Variants in ZFHX4 observed in about 807,000 individuals in gnomAD.
ZFHX4 encodes zinc finger homeobox 4, also known as zinc finger homeobox protein 4.
A neutral mutation model predicts 267.6 loss-of-function variants in ZFHX4; 56 were observed. The observed-to-expected ratio is 0.21, with a 90% CI of 0.17 to 0.26. The LOEUF is 0.26. Ranked by LOEUF, ZFHX4 falls within the 10% of genes least tolerant of loss-of-function variation. The pLI is 1.00. For synonymous variants in ZFHX4, 1,778 were observed against 1,665.6 expected (o/e 1.07, Z -1.64); for missense variants, 4,332 against 4,420.0 (o/e 0.98, Z 0.56).
chr8:76,702,765 G>A (rs1165395865), intron 1 of ZFHX4, among the ~76,000 whole-genome samples: 1 of 152,114 alleles, frequency 6.6e-6, no homozygotes, highest in African/African-American at 2.4e-5. Flanking sequence ...TCAAATTTAA[G>A]ATTTGAAATA....
intron 10 of ZFHX4, among the ~76,000 whole-genome samples, chr8:76,858,403 TCTG>T (rs1812785412): frequency 6.6e-6 from 1 of 152,204 alleles, no homozygotes; most frequent in South Asian, 2.1e-4. Context: ...ATCTGTTATA[TCTG>T]CTGCTTTATT....
intron 3 of ZFHX4, among the ~76,000 whole-genome samples, chr8:76,773,730 T>C (rs1810330670): frequency 6.6e-6 from 1 of 152,218 alleles, no homozygotes; most frequent in Admixed American, 6.6e-5. Context: ...CTTTCTTAAA[T>C]CAATTGAGTA....
At position 76,851,875 on chromosome 8, in the gene ZFHX4, T is replaced by A. The variant is rs1301958897; in HGVS notation, c.4954T>A (p.Ser1652Thr). The change falls in exon 10 of 11, where the codon TCC (serine) becomes ACC (threonine). Residue 1652 changes from serine (S) to threonine (T), a missense_variant. Ser to Thr is a moderately conservative substitution (Grantham distance 58). Coordinates refer to ENST00000651372, the MANE Select transcript of ZFHX4 (RefSeq NM_024721.5). ...CAGCCCTGGCCAGGGGATGTTAGAT[T>A]CCATGAGTTTAGCAGCTGTAAACAG... ...VNSPGQGMLD[S>T]MSLAAVNSKD... 1.2e-6 allele frequency: 2 copies of A among 1,613,828 alleles called. No individual in the cohort carries two copies. Among genetic ancestry groups the A allele is most frequent in the African/African-American group, 2.7e-5 (2 of 74,902 alleles).
chr8:76,785,737 G>A (rs2131793143), intron 4 of ZFHX4, among the ~76,000 whole-genome samples: 1 of 152,266 alleles, frequency 6.6e-6, no homozygotes, highest in South Asian at 2.1e-4. Flanking sequence ...GTCTATAGAT[G>A]CCAAGTGAGG....
intron 3 of ZFHX4, among the ~76,000 whole-genome samples, chr8:76,776,209 T>C (rs1228630131): frequency 2.0e-5 from 3 of 152,042 alleles, no homozygotes; most frequent in Non-Finnish European, 2.9e-5. Flanking sequence ...TATCGAAGAC[T>C]GAAATCTTAG....
At chr8:76,738,109 G>T (rs957591750) in intron 3 of ZFHX4, among the ~76,000 whole-genome samples, 1 of 152,132 alleles carries the variant, frequency 6.6e-6, no homozygotes, top group Non-Finnish European at 1.5e-5. Flanking sequence ...TAGGAGGAAG[G>T]CTTTGTGAAA....
At chr8:76,703,331 G>A (rs867916342) in intron 1 of ZFHX4, among the ~76,000 whole-genome samples, 2 of 152,192 alleles carry the variant, frequency 1.3e-5, no homozygotes, top group Non-Finnish European at 2.9e-5. Flanking sequence ...CCCCTAGGAT[G>A]ATAGGACTGG....
At chr8:76,772,816 C>T (rs1295671988) in intron 3 of ZFHX4, among the ~76,000 whole-genome samples, 1 of 152,112 alleles carries the variant, frequency 6.6e-6, no homozygotes, top group Non-Finnish European at 1.5e-5. Flanking sequence ...GCCACACTTG[C>T]TCTTGCCTGT....
At chr8:76,739,784 A>G (rs1371054287) in intron 3 of ZFHX4, among the ~76,000 whole-genome samples, 1 of 152,204 alleles carries the variant, frequency 6.6e-6, no homozygotes, top group Non-Finnish European at 1.5e-5. Context: ...CAATTTTAAT[A>G]TCATTCACAA....
At chr8:76,837,969 A>C (rs1372239032) in intron 5 of ZFHX4, among the ~76,000 whole-genome samples, 1 of 152,190 alleles carries the variant, frequency 6.6e-6, no homozygotes, top group Admixed American at 6.5e-5. Context: ...TGTGCTCACC[A>C]ATTTGTGTAT....
intron 4 of ZFHX4, among the ~76,000 whole-genome samples, chr8:76,820,373 T>C (rs1811617295): frequency 6.6e-6 from 1 of 152,344 alleles, no homozygotes; most frequent in African/African-American, 2.4e-5. Flanking sequence ...TACTTGCTGT[T>C]ATCATGTATT....
intron 3 of ZFHX4, among the ~76,000 whole-genome samples, chr8:76,763,215 G>T (rs150020614): frequency 7.1e-6 from 1 of 141,294 alleles, no homozygotes; most frequent in African/African-American, 3.0e-5. Flanking sequence ...TCATCCTGCC[G>T]TACTTGGGCT....
Position 76,849,016 on chromosome 8 carries a change from A to G in ZFHX4, c.3533A>G (p.Glu1178Gly). ...KDSGIITPEK[E>G]LKVSVAGGTQ... is the part of the protein sequence containing the mutation. Reference sequence around the variant, plus strand: ...TCAGGGATAATCACACCAGAGAAGGAACTAAAAGTTAGTGTGGCAGGGGGT... The same window carrying G: ...TCAGGGATAATCACACCAGAGAAGGGACTAAAAGTTAGTGTGGCAGGGGGT... Residue 1178 changes from glutamate (E) to glycine (G), a missense_variant, in exon 7 of 11, where the codon GAA becomes GGA. This residue lies in a region of ZFHX4 where 1,371 missense variants were observed against 1,423.1 expected (regional missense o/e 0.96). Transcript: ENST00000651372. 1.3e-6 allele frequency: 2 copies of G among 1,551,650 alleles called. No homozygotes were observed. Among genetic ancestry groups the G allele is most frequent in the Non-Finnish European group, 1.7e-6 (2 of 1,148,370 alleles).
chr8:76,847,978 A>C (rs745402473), intron 6 of ZFHX4, among the ~76,000 whole-genome samples: 67 of 152,178 alleles, frequency 4.4e-4, no homozygotes, highest in Non-Finnish European at 8.7e-4. Context: ...ATGTATTTGC[A>C]CCCAGTTGTC....
chr8:76,706,104 C>T lies in ZFHX4; in HGVS notation c.2016C>T (p.Gly672=). ...HMKEKHPEPG[G]SCVYCKTGQP... The stretch of plus-strand genomic sequence containing the variant: ...AGGAGAAACACCCTGAGCCGGGTGG[C>T]TCTTGTGTTTATTGTAAGACTGGAC... The change falls in exon 2 of 11, where the codon GGC becomes GGT. Residue 672 remains glycine (G), a synonymous_variant. Transcript: ENST00000651372. 1 of 1,613,528 alleles carries T rather than the reference C, an allele frequency of 6.2e-7. No homozygotes were observed. The highest frequency in any genetic ancestry group is 8.5e-7 in the Non-Finnish European group (1 of 1,179,774).
chr8:76,685,421 C>G (rs4143528), intron 1 of ZFHX4, among the ~76,000 whole-genome samples: 26 of 152,098 alleles, frequency 1.7e-4, no homozygotes, highest in African/African-American at 6.3e-4. Flanking sequence ...TTTCATAGAC[C>G]GTTTTAGGAT....
At chr8:76,825,448 C>A (rs1811759623) in intron 4 of ZFHX4, among the ~76,000 whole-genome samples, 1 of 152,338 alleles carries the variant, frequency 6.6e-6, no homozygotes, top group Middle Eastern at 3.4e-3. Flanking sequence ...GCTCGAAGAG[C>A]AGCCAACGTT....
intron 4 of ZFHX4, among the ~76,000 whole-genome samples, chr8:76,827,086 C>T (rs752303337): frequency 1.3e-5 from 2 of 152,204 alleles, no homozygotes; most frequent in African/African-American, 2.4e-5. Flanking sequence ...TCCCATAAGG[C>T]AGTGGTCTCC....
intron 3 of ZFHX4, among the ~76,000 whole-genome samples, chr8:76,768,974 T>G (rs180732990): frequency 6.6e-6 from 1 of 152,280 alleles, no homozygotes; most frequent in East Asian, 1.9e-4. Flanking sequence ...GGTGCATGCT[T>G]GTAGTCCCAG....
Sources: allele counts gnomAD v4.1 joint callset (sites outside exome capture counted in the v4.1 genomes callset), GRCh38; gene constraint gnomAD v4.1.1; regional missense constraint gnomAD v4.1.1; transcripts MANE v1.5; gene names NCBI Gene and HGNC (gene_info 2026-07-23, HGNC 2026-07-21).